The following MAF variants were observed in gnomAD, a reference collection of about 807,000 sequenced individuals.
MAF encodes transcription factor Maf.
MAF carries 10 observed loss-of-function variants against 22.0 expected under a neutral mutation model. The observed-to-expected ratio is 0.45, with a 90% CI of 0.28 to 0.77. The LOEUF is 0.77. Ranked by LOEUF, MAF falls within the 30% of genes least tolerant of loss-of-function variation. The probability of loss-of-function intolerance (pLI) is 0.12; values close to 1 mark genes in which losing one functional copy is unlikely to be tolerated. For synonymous variants in MAF, 337 were observed against 255.8 expected (o/e 1.32, Z -3.03); for missense variants, 544 against 548.4 (o/e 0.99, Z 0.08).
the MAF span, among the ~76,000 whole-genome samples, chr16:79,430,212 A>G: frequency 1.3e-5 from 2 of 152,228 alleles, no homozygotes; most frequent in African/African-American, 4.8e-5. Context: ...TTTGTTTACA[A>G]TGCAATTAAC....
chr16:79,573,603 T>C, the MAF span, among the ~76,000 whole-genome samples: 8 of 152,346 alleles, frequency 5.3e-5, no homozygotes, highest in Non-Finnish European at 2.9e-5. Flanking sequence ...CTCAGCACCA[T>C]GTTCATTTTC....
At chr16:79,336,763 C>A in the MAF span, among the ~76,000 whole-genome samples, 2 of 152,266 alleles carry the variant, frequency 1.3e-5, no homozygotes, top group Non-Finnish European at 2.9e-5. Flanking sequence ...TTTGCATTTT[C>A]TTTTCTTCTG....
At chr16:79,574,904 A>G in the MAF span, among the ~76,000 whole-genome samples, 3 of 152,196 alleles carry the variant, frequency 2.0e-5, no homozygotes, top group African/African-American at 4.8e-5. Flanking sequence ...AACTCAGAGT[A>G]AAATATGGGA....
At chr16:79,361,417 A>G in the MAF span, among the ~76,000 whole-genome samples, 2 of 152,210 alleles carry the variant, frequency 1.3e-5, no homozygotes, top group South Asian at 4.1e-4. Flanking sequence ...ATTTCCTTAT[A>G]GGGGCCTAAG....
chr16:79,538,699 G>A, the MAF span, among the ~76,000 whole-genome samples: 1 of 152,056 alleles, frequency 6.6e-6, no homozygotes, highest in African/African-American at 2.4e-5. Context: ...GGTGGCACAT[G>A]CTTGTGGTCC....
the MAF span, among the ~76,000 whole-genome samples, chr16:79,218,165 T>G: frequency 3.3e-5 from 5 of 152,210 alleles, no homozygotes; most frequent in Non-Finnish European, 5.9e-5. Flanking sequence ...CTCTGAGTTG[T>G]ATCTATAGAT....
At chr16:79,438,637 G>C in the MAF span, among the ~76,000 whole-genome samples, 1 of 152,142 alleles carries the variant, frequency 6.6e-6, no homozygotes, top group Non-Finnish European at 1.5e-5. Flanking sequence ...AGCTCAGAGA[G>C]GGCGGATCAG....
the MAF span, among the ~76,000 whole-genome samples, chr16:79,563,506 C>CAAA: frequency 2.9e-5 from 4 of 138,476 alleles, no homozygotes; most frequent in Non-Finnish European, 4.6e-5. Context: ...GACTTGGCAC[C>CAAA]AAAAAAAAAA....
At chr16:79,404,017 A>G in the MAF span, among the ~76,000 whole-genome samples, 4 of 152,148 alleles carry the variant, frequency 2.6e-5, no homozygotes, top group African/African-American at 9.7e-5. Context: ...ACCATGCATC[A>G]CCACGTATTT....
chr16:79,486,433 G>A, the MAF span, among the ~76,000 whole-genome samples: 2 of 151,986 alleles, frequency 1.3e-5, no homozygotes, highest in Non-Finnish European at 2.9e-5. Flanking sequence ...ACAGATGTAA[G>A]CCATGTGTTT....
At chr16:79,568,185 C>A in the MAF span, among the ~76,000 whole-genome samples, 1 of 152,208 alleles carries the variant, frequency 6.6e-6, no homozygotes, top group Non-Finnish European at 1.5e-5. Flanking sequence ...AGAGAAAGGG[C>A]ATTTTACCTC....
chr16:79,336,732 T>G, the MAF span, among the ~76,000 whole-genome samples: 111 of 152,336 alleles, frequency 7.3e-4, no homozygotes, highest in African/African-American at 2.6e-3. Context: ...GACTTTTTAC[T>G]TGGGCACATG....
At chr16:79,413,369 G>C in the MAF span, among the ~76,000 whole-genome samples, 1 of 146,284 alleles carries the variant, frequency 6.8e-6, no homozygotes, top group African/African-American at 2.5e-5. Context: ...CAGCCTCTCC[G>C]AGTAGCTGGG....
At chr16:79,541,652 G>A in the MAF span, among the ~76,000 whole-genome samples, 3 of 151,164 alleles carry the variant, frequency 2.0e-5, no homozygotes, top group Admixed American at 2.0e-4. Context: ...AAGCTACTAG[G>A]GTTTTTTTAG....
At chr16:79,351,554 G>C in the MAF span, among the ~76,000 whole-genome samples, 1 of 152,044 alleles carries the variant, frequency 6.6e-6, no homozygotes, top group Admixed American at 6.6e-5. Context: ...CAGAATCTCA[G>C]AGTCACAGAG....
chr16:79,553,212 T>C, the MAF span, among the ~76,000 whole-genome samples: 13 of 152,352 alleles, frequency 8.5e-5, no homozygotes, highest in African/African-American at 2.4e-4. Flanking sequence ...TGGGTCTCTT[T>C]TGAGAATGGC....
chr16:79,495,417 C>T, the MAF span, among the ~76,000 whole-genome samples: 16 of 152,136 alleles, frequency 1.1e-4, no homozygotes, highest in Non-Finnish European at 1.5e-5. Context: ...GAACCCTGAT[C>T]ACACCACCAC....
At chr16:79,422,849 A>G in the MAF span, among the ~76,000 whole-genome samples, 725 of 152,298 alleles carry the variant, frequency 4.8e-3, 9 homozygotes, top group African/African-American at 0.017. Flanking sequence ...CTCAGCATAT[A>G]TGGAGGAATA....
In MAF at chr16:79,599,045, C is replaced by T; in HGVS notation, c.858G>A (p.Val286=). The T allele has an allele frequency of 6.2e-7, 1 of 1,613,066 alleles. No homozygotes were observed. The change falls in exon 1 of 2, where the codon GTG becomes GTA. Residue 286 remains valine (V), a synonymous_variant. Coordinates refer to ENST00000326043, the MANE Select transcript of MAF (RefSeq NM_005360.5). ...RQLRGVSKEE[V]IRLKQKRRTL... is the part of the protein sequence containing the mutation. ...TCCGCCTCTTCTGCTTCAGCCGGAT[C>T]ACCTCCTCCTTGCTGACCCCGCGCA...
Sources: allele counts gnomAD v4.1 joint callset (sites outside exome capture counted in the v4.1 genomes callset), GRCh38; gene constraint gnomAD v4.1.1; transcripts MANE v1.5; gene names NCBI Gene and HGNC (gene_info 2026-07-23, HGNC 2026-07-21).